CMC1: variants seen among roughly 807,000 people sequenced by gnomAD.
CMC1 encodes the protein C-X9-C motif containing 1.
CMC1 carries 14 observed loss-of-function variants against 14.1 expected under a neutral mutation model. The ratio of observed to expected loss-of-function variants is 0.99; its 90% CI spans 0.66 to 1.55. CMC1 has a LOEUF of 1.55. Among genes scored for constraint, CMC1 ranks in the 40% most tolerant of loss-of-function variants. The pLI is 0.00. For missense variants in CMC1, 127 were observed against 123.8 expected, an observed-to-expected ratio of 1.03 and a Z score of -0.12; for synonymous variants, 50 against 38.4, an observed-to-expected ratio of 1.30 and a Z score of -1.12.
At chr3:28,294,237 A>G (rs1365822755) in intron 2 of CMC1, among the ~76,000 whole-genome samples, 1 of 152,190 alleles carries the variant, frequency 6.6e-6, no homozygotes, top group Admixed American at 6.5e-5. Flanking sequence ...AATGAATTGC[A>G]GTCAGGAGAA....
intron 1 of CMC1, among the ~76,000 whole-genome samples, chr3:28,243,331 C>T (rs530039250): frequency 5.9e-5 from 9 of 152,270 alleles, no homozygotes; most frequent in African/African-American, 1.9e-4. Flanking sequence ...GCTGGGATTA[C>T]AGGTGTGAGC....
intron 2 of CMC1, among the ~76,000 whole-genome samples, chr3:28,285,085 G>A (rs1390560800): frequency 6.6e-6 from 1 of 152,124 alleles, no homozygotes; most frequent in Admixed American, 6.5e-5. Context: ...TGTGATTATT[G>A]AGATTCCTAA....
chr3:28,296,532 GT>G (rs1264038846), intron 2 of CMC1, among the ~76,000 whole-genome samples: 3 of 151,732 alleles, frequency 2.0e-5, no homozygotes, highest in Non-Finnish European at 4.4e-5. Context: ...AATATTCTTT[GT>G]GGAATTTAAC....
intron 3 of CMC1, chr3:28,317,685 C>G (rs1360402958): frequency 6.6e-6 from 1 of 151,972 alleles, no homozygotes; most frequent in Non-Finnish European, 1.5e-5. Flanking sequence ...AACCTGGGTT[C>G]AGCTTCTGTA....
chr3:28,314,492 A>G (rs1702791396), intron 2 of CMC1, among the ~76,000 whole-genome samples: 1 of 152,222 alleles, frequency 6.6e-6, no homozygotes, highest in Non-Finnish European at 1.5e-5. Context: ...TTTAGAGTCT[A>G]ACAGGCTGGG....
intron 1 of CMC1, among the ~76,000 whole-genome samples, chr3:28,260,068 A>C (rs1305297983): frequency 6.6e-6 from 1 of 152,048 alleles, no homozygotes; most frequent in Non-Finnish European, 1.5e-5. Context: ...CATCGATATG[A>C]TTATATGGTT....
chr3:28,270,920 CTTT>C (rs71087680), intron 2 of CMC1, among the ~76,000 whole-genome samples: 2 of 83,722 alleles, frequency 2.4e-5, no homozygotes, highest in East Asian at 3.2e-4. Flanking sequence ...GAGTTAATTT[CTTT>C]TTTTTTTTTT....
chr3:28,293,954 C>G (rs1172478919), intron 2 of CMC1, among the ~76,000 whole-genome samples: 1 of 151,974 alleles, frequency 6.6e-6, no homozygotes, highest in African/African-American at 2.4e-5. Context: ...TTCCTAAGAC[C>G]TTTTATATTT....
chr3:28,262,948 C>T (rs1047427217), intron 1 of CMC1, among the ~76,000 whole-genome samples: 2 of 151,970 alleles, frequency 1.3e-5, no homozygotes, highest in East Asian at 1.9e-4. Context: ...ATCTCAGTAT[C>T]GGTGAAAATC....
chr3:28,260,791 T>A (rs551384071), intron 1 of CMC1, among the ~76,000 whole-genome samples: 2 of 152,318 alleles, frequency 1.3e-5, no homozygotes, highest in African/African-American at 4.8e-5. Context: ...TATTGTGTTT[T>A]TATTTTCATT....
At chr3:28,259,030 C>A (rs1372870273) in intron 1 of CMC1, among the ~76,000 whole-genome samples, 1 of 152,082 alleles carries the variant, frequency 6.6e-6, no homozygotes, top group Non-Finnish European at 1.5e-5. Context: ...GACTTGTAAT[C>A]GGGTAGTTGC....
At chr3:28,274,801 T>A (rs1367164823) in intron 2 of CMC1, among the ~76,000 whole-genome samples, 2 of 152,144 alleles carry the variant, frequency 1.3e-5, no homozygotes, top group East Asian at 3.9e-4. Context: ...TCGGAGGTTT[T>A]GTTTGTTCCT....
At chr3:28,249,794 T>G (rs2125427088) in intron 1 of CMC1, among the ~76,000 whole-genome samples, 1 of 148,746 alleles carries the variant, frequency 6.7e-6, no homozygotes, top group South Asian at 2.1e-4. Context: ...ACTGGGTGGC[T>G]TAAAAAATGT....
rs1698517397 is a variant in CMC1, at chr3:28,241,676, C to G, written c.-118C>G. On this transcript the variant is annotated 5_prime_UTR_variant, in exon 1 of 4. Coordinates refer to ENST00000466830, the MANE Select transcript of CMC1 (RefSeq NM_182523.2). ...GGTGCTTTGCAAAGGGCCCGTGTTT[C>G]TGTTGCGGGAAGCTCCCGGGGGTCG... 8.1e-7 allele frequency: 1 copy of G among 1,235,490 alleles called. No homozygotes were observed. 76.5% of individuals were successfully genotyped at this position (1,235,490 alleles called of 1,614,324 possible).
chr3:28,291,850 C>T (rs879487611), intron 2 of CMC1: 1 of 152,114 alleles, frequency 6.6e-6, no homozygotes, highest in East Asian at 1.9e-4. Flanking sequence ...AATGTTTCCT[C>T]TTTTCTGTGG....
At chr3:28,241,965 C>A in intron 1 of CMC1, 153 bp downstream of exon 1, 1 of 663,542 alleles carries the variant, frequency 1.5e-6, no homozygotes, top group South Asian at 8.1e-5. Context: ...CTGCTTCGCC[C>A]GGTCTGAGGT....
chr3:28,304,519 G>A (rs1315957038), intron 2 of CMC1, among the ~76,000 whole-genome samples: 2 of 152,014 alleles, frequency 1.3e-5, no homozygotes, highest in East Asian at 3.9e-4. Context: ...GGTATTTCTG[G>A]ACAGTATCGC....
chr3:28,281,915 A>T (rs886583181), intron 2 of CMC1, among the ~76,000 whole-genome samples: 3 of 152,142 alleles, frequency 2.0e-5, no homozygotes, highest in South Asian at 4.1e-4. Context: ...AAAGAGATTG[A>T]CCTTAGGAAA....
chr3:28,263,198 A>G, intron 1 of CMC1, 93 bp from the exon 2 acceptor site: 2 of 832,150 alleles, frequency 2.4e-6, no homozygotes, highest in South Asian at 3.4e-5. Context: ...ATATTTGCAT[A>G]GGCTTTTATT....
Sources: gnomAD v4.1 joint callset for allele counts (sites outside exome capture counted in the v4.1 genomes callset) on GRCh38, gnomAD v4.1.1 for gene constraint, MANE v1.5 for transcripts, NCBI Gene and HGNC (gene_info 2026-07-23, HGNC 2026-07-21) for gene names.